Variants in WDFY1 observed in about 807,000 individuals in gnomAD.
WDFY1 encodes WD repeat and FYVE domain-containing protein 1.
In WDFY1, 32 loss-of-function variants were observed where a neutral mutation model predicts 56.4. The ratio of observed to expected loss-of-function variants is 0.57; its 90% CI spans 0.43 to 0.76. The LOEUF (loss-of-function observed/expected upper bound fraction) is 0.76, where lower values mean the gene tolerates loss of function less well. Ranked by LOEUF, WDFY1 falls within the 30% of genes least tolerant of loss-of-function variation. The pLI, the probability that WDFY1 is intolerant of heterozygous loss-of-function variation, is 0.00. For missense variants in WDFY1, 480 were observed against 545.7 expected (o/e 0.88, Z 1.20); for synonymous variants, 192 against 197.3 (o/e 0.97, Z 0.23).
At position 223,905,639 on chromosome 2, in the gene WDFY1, G is replaced by C. The variant is rs559998049; in HGVS notation, c.334+308C>G. ...CACATATCAAAAAATTGTACACTCA[G>C]TTATATACACACACATACATGTATG... On this transcript the variant is annotated intron_variant, in intron 4 of 11. Transcript: ENST00000233055. Among the ~76,000 whole-genome samples the C allele has an allele frequency of 2.0e-5, 3 of 151,864 alleles. No homozygotes were observed. The East Asian group carries it at 5.8e-4, about 29-fold the overall frequency.
intron 2 of WDFY1, among the ~76,000 whole-genome samples, chr2:223,915,838 A>G (rs1170040217): frequency 6.6e-6 from 1 of 152,204 alleles, no homozygotes; most frequent in East Asian, 1.9e-4. Context: ...TGTCCCACCT[A>G]TCTCTGCCCT....
intron 1 of WDFY1, among the ~76,000 whole-genome samples, chr2:223,944,734 G>A (rs1252435707): frequency 6.9e-6 from 1 of 145,590 alleles, no homozygotes; most frequent in Non-Finnish European, 1.5e-5. Context: ...GGGCGCGTTG[G>A]GGAGCATTGG....
chr2:223,944,423 T>A (rs958556357), intron 1 of WDFY1, among the ~76,000 whole-genome samples: 1 of 152,158 alleles, frequency 6.6e-6, no homozygotes, highest in African/African-American at 2.4e-5. Flanking sequence ...GGTTCCCTGG[T>A]TGGAGGAGCG....
chr2:223,931,315 C>T (rs1694068256), intron 1 of WDFY1, among the ~76,000 whole-genome samples: 1 of 152,010 alleles, frequency 6.6e-6, no homozygotes, highest in South Asian at 2.1e-4. Flanking sequence ...TCCTGTCTAC[C>T]AAGGATAAAA....
In WDFY1 at chr2:223,898,887, C is replaced by T. The variant is rs1359295929; in HGVS notation, c.598+71G>A. The T allele has an allele frequency of 6.1e-6, 7 of 1,140,866 alleles. No homozygotes were observed. The Admixed American group carries it at 8.7e-5, about 14-fold the overall frequency. The allele number at this position is 1,140,866 out of a possible 1,614,324, so 70.7% of individuals were successfully genotyped here. On this transcript the variant is annotated intron_variant, in intron 6 of 11. Coordinates refer to ENST00000233055, the MANE Select transcript of WDFY1 (RefSeq NM_020830.5). ...ATGAGGAACACAGCATTCATGAATC[C>T]ACATAGTAGAGAACTGAATTTGGAT... is the stretch of plus-strand genomic sequence containing the variant.
chr2:223,926,749 C>T (rs76170429), intron 1 of WDFY1, among the ~76,000 whole-genome samples: 1,621 of 152,196 alleles, frequency 0.011, 35 homozygotes, highest in African/African-American at 0.037. Context: ...CTCACTGAAA[C>T]CTCTGCCTCC....
At chr2:223,899,250 G>A in intron 5 of WDFY1, 180 bp from the exon 6 acceptor site, 1 of 519,872 alleles carries the variant, frequency 1.9e-6, no homozygotes, top group South Asian at 2.9e-5. Context: ...CATGCAATAT[G>A]TAAATATTGA....
At chr2:223,893,488 C>T (rs909234855) in intron 8 of WDFY1, among the ~76,000 whole-genome samples, 3 of 151,810 alleles carry the variant, frequency 2.0e-5, no homozygotes, top group African/African-American at 7.3e-5. Flanking sequence ...CAAGATCATG[C>T]CACTGCACTC....
chr2:223,898,834 G>C (rs1307491986), intron 6 of WDFY1, 124 bp downstream of exon 6: 3 of 718,788 alleles, frequency 4.2e-6, no homozygotes, highest in Middle Eastern at 3.2e-4. Context: ...TCCCATATCT[G>C]GCCAATCAAA....
At chr2:223,878,860 C>A in intron 11 of WDFY1, 130 bp from the exon 12 acceptor site, 1 of 1,173,466 alleles carries the variant, frequency 8.5e-7, no homozygotes, top group Non-Finnish European at 1.2e-6. Context: ...TCATTCTCCT[C>A]TTTCATAACA....
At chr2:223,926,646 A>ATGTGTGTGTGTGTG (rs61402571) in intron 1 of WDFY1, among the ~76,000 whole-genome samples, 49 of 145,046 alleles carry the variant, frequency 3.4e-4, no homozygotes, top group African/African-American at 1.3e-3. Flanking sequence ...ATATACAAAT[A>ATGTGTGTGTGTGTG]TGTGCGTGTG....
intron 3 of WDFY1, among the ~76,000 whole-genome samples, chr2:223,907,916 G>A (rs1375617027): frequency 6.6e-6 from 1 of 151,280 alleles, no homozygotes; most frequent in East Asian, 1.9e-4. Flanking sequence ...CTGGAGTGCA[G>A]TGGTGCAATC....
intron 1 of WDFY1, among the ~76,000 whole-genome samples, chr2:223,923,593 C>T (rs1007913004): frequency 6.6e-6 from 1 of 152,056 alleles, no homozygotes; most frequent in South Asian, 2.1e-4. Context: ...AACCCTGTCT[C>T]TACTAAAAAT....
At chr2:223,887,783 T>A (rs959759828) in intron 8 of WDFY1, among the ~76,000 whole-genome samples, 1 of 152,256 alleles carries the variant, frequency 6.6e-6, no homozygotes, top group East Asian at 1.9e-4. Flanking sequence ...TTAAAAAAAA[T>A]AAAGAAAAAT....
chr2:223,916,104 C>G (rs929828751), intron 2 of WDFY1, among the ~76,000 whole-genome samples: 1 of 152,128 alleles, frequency 6.6e-6, no homozygotes, highest in African/African-American at 2.4e-5. Context: ...TATCTTTATA[C>G]CAGGGTTCCA....
chr2:223,915,454 C>T (rs1178818467), intron 2 of WDFY1, among the ~76,000 whole-genome samples: 2 of 152,278 alleles, frequency 1.3e-5, no homozygotes, highest in East Asian at 3.9e-4. Context: ...AAATTAATTA[C>T]AAAGTTGTAC....
chr2:223,944,824 G>C (rs1489990003), intron 1 of WDFY1, among the ~76,000 whole-genome samples: 1 of 147,048 alleles, frequency 6.8e-6, no homozygotes, highest in Non-Finnish European at 1.5e-5. Context: ...TCCTGGGCTG[G>C]AAAGACACGT....
At chr2:223,907,123 T>G (rs557477830) in intron 3 of WDFY1, among the ~76,000 whole-genome samples, 1 of 151,814 alleles carries the variant, frequency 6.6e-6, no homozygotes, top group Non-Finnish European at 1.5e-5. Flanking sequence ...TAAAGGTGCA[T>G]GCCACCACAC....
intron 7 of WDFY1, 43 bp downstream of exon 7, chr2:223,895,461 A>G: frequency 6.2e-7 from 1 of 1,613,334 alleles, no homozygotes; most frequent in African/African-American, 1.3e-5. Context: ...CTAGCTCCCC[A>G]CTAACTCGGA....
Sources: gnomAD v4.1 joint callset for allele counts (sites outside exome capture counted in the v4.1 genomes callset) on GRCh38, gnomAD v4.1.1 for gene constraint, MANE v1.5 for transcripts, NCBI Gene and HGNC (gene_info 2026-07-23, HGNC 2026-07-21) for gene names.